The following MCOLN2 variants were observed in gnomAD, a reference collection of about 807,000 sequenced individuals.
MCOLN2 encodes mucolipin-2.
In MCOLN2, 57 loss-of-function variants were observed where a neutral mutation model predicts 67.5. The ratio of observed to expected loss-of-function variants is 0.84; its 90% CI spans 0.68 to 1.05. MCOLN2 has a LOEUF of 1.05. Among genes scored for constraint, MCOLN2 ranks in the 50% least tolerant of loss-of-function variants. The pLI is 0.00. For missense variants in MCOLN2, 620 were observed against 678.8 expected (o/e 0.91, Z 0.96); for synonymous variants, 246 against 233.3 (o/e 1.05, Z -0.50).
intron 6 of MCOLN2, 52 bp downstream of exon 6, chr1:84,952,191 A>G: frequency 1.5e-6 from 2 of 1,305,724 alleles, no homozygotes; most frequent in African/African-American, 1.5e-5. Flanking sequence ...GCATCAACAA[A>G]AAGTGTAGGA....
intron 12 of MCOLN2, 151 bp from the exon 13 acceptor site, chr1:84,929,830 T>TGGTGTTCTG (rs1041919104): frequency 1.6e-6 from 1 of 635,982 alleles, no homozygotes; most frequent in Admixed American, 3.2e-5. Context: ...TGAATCAATC[T>TGGTGTTCTG]GTCAGTCCCA....
intron 6 of MCOLN2, among the ~76,000 whole-genome samples, chr1:84,948,546 T>C (rs534765068): frequency 1.3e-5 from 2 of 152,204 alleles, no homozygotes; most frequent in African/African-American, 2.4e-5. Flanking sequence ...CAAGAAAACA[T>C]GGCACCCAAA....
intron 2 of MCOLN2, among the ~76,000 whole-genome samples, chr1:84,962,293 C>T (rs1014730930): frequency 6.6e-5 from 10 of 152,164 alleles, no homozygotes; most frequent in African/African-American, 2.4e-4. Context: ...TGCCTGTAAT[C>T]CCAGCCCTTT....
intron 1 of MCOLN2, among the ~76,000 whole-genome samples, chr1:84,996,536 T>C (rs1285649129): frequency 1.3e-5 from 2 of 151,590 alleles, no homozygotes; most frequent in Admixed American, 1.3e-4. Context: ...AGGGGCCCGC[T>C]GGCAGCGCCA....
rs1028834695 is a variant in MCOLN2 at position 84,932,898 on chromosome 1, C to T, written c.1336-1330G>A. Among the ~76,000 whole-genome samples the T allele has an allele frequency of 2.8e-4, 42 of 152,168 alleles. 1 individual carries two copies. The highest frequency in any genetic ancestry group is 1.2e-3 in the Admixed American group (18 of 15,280). On this transcript the variant is annotated intron_variant, in intron 11 of 13. Transcript: ENST00000370608. ...ACCTGTACTTTAAGAAGAAGGCTTT[C>T]AGGTCATTTCTCCCTTGTGAGATTA...
At chr1:84,955,748 T>G (rs1425601509) in intron 4 of MCOLN2, among the ~76,000 whole-genome samples, 1 of 152,030 alleles carries the variant, frequency 6.6e-6, no homozygotes, top group Non-Finnish European at 1.5e-5. Context: ...ATGGGGAAAT[T>G]GGCAACTTCA....
At chr1:84,990,641 G>C (rs149932845) in intron 1 of MCOLN2, among the ~76,000 whole-genome samples, 1,586 of 152,178 alleles carry the variant, frequency 0.01, 37 homozygotes, top group African/African-American at 0.036. Context: ...GCATAAGCTG[G>C]GCATGGTGGC....
Position 84,961,548 on chromosome 1 carries a change from A to G in MCOLN2, c.238-2846T>C, listed in dbSNP as rs142152272. On this transcript the variant is annotated intron_variant, in intron 2 of 13. Coordinates refer to ENST00000370608, the MANE Select transcript of MCOLN2 (RefSeq NM_153259.4). Reference sequence around the variant, plus strand: ...TATTCATAGAACAAGCCAAGATAAAAATGTATGGCCCAGCATTGGGGAAGG... The same window carrying G: ...TATTCATAGAACAAGCCAAGATAAAGATGTATGGCCCAGCATTGGGGAAGG... 1.2e-3 allele frequency among the ~76,000 whole-genome samples: 176 copies of G among 152,242 alleles called. 1 individual carries two copies. The highest frequency in any genetic ancestry group is 4.1e-3 in the African/African-American group (171 of 41,528).
At chr1:84,956,164 CA>C (rs1395203110) in intron 4 of MCOLN2, among the ~76,000 whole-genome samples, 1 of 138,564 alleles carries the variant, frequency 7.2e-6, no homozygotes, top group Non-Finnish European at 1.6e-5. Context: ...GAAAAAAAAA[CA>C]AAAAACAGGA....
At chr1:84,978,414 AAAAT>A (rs140646633) in intron 1 of MCOLN2, among the ~76,000 whole-genome samples, 74,078 of 151,342 alleles carry the variant, frequency 0.49, 18,292 homozygotes, top group East Asian at 0.64. Flanking sequence ...TGAAATAAAG[AAAAT>A]AATACAAAAG....
At position 84,938,056 on chromosome 1, in the gene MCOLN2, G is replaced by T; in HGVS notation, c.1137C>A (p.Ser379Arg). 6.2e-7 allele frequency: 1 copy of T among 1,613,140 alleles called. No homozygotes were observed. The highest frequency in any genetic ancestry group is 1.3e-5 in the African/African-American group (1 of 74,952). ...AGAGCGTAGAGGTTCCAAGAAAAAT[G>T]CTGCAGAGATCATAGTTTGTGAGAT... ...AKNLTNYDLCSIFLGTSTLLV... is the reference protein window; with the variant it reads ...AKNLTNYDLCRIFLGTSTLLV... The change falls in exon 10 of 14, where the codon AGC (serine) becomes AGA (arginine). Residue 379 changes from serine (S) to arginine (R), a missense_variant. Coordinates refer to ENST00000370608, the MANE Select transcript of MCOLN2 (RefSeq NM_153259.4).
At chr1:84,950,696 G>A (rs1306312040) in intron 6 of MCOLN2, among the ~76,000 whole-genome samples, 1 of 152,176 alleles carries the variant, frequency 6.6e-6, no homozygotes, top group Non-Finnish European at 1.5e-5. Context: ...AGAGCTTGGA[G>A]AGCCGGATAT....
intron 1 of MCOLN2, among the ~76,000 whole-genome samples, chr1:84,987,896 T>C (rs905711344): frequency 8.6e-5 from 13 of 151,818 alleles, no homozygotes; most frequent in African/African-American, 2.7e-4. Context: ...AATGATACAA[T>C]GGACTTTGGC....
At chr1:84,953,475 G>A (rs1483931516) in intron 4 of MCOLN2, among the ~76,000 whole-genome samples, 1 of 151,590 alleles carries the variant, frequency 6.6e-6, no homozygotes, top group Non-Finnish European at 1.5e-5. Flanking sequence ...GCTTGAACCC[G>A]GGAGGCAGAG....
intron 7 of MCOLN2, among the ~76,000 whole-genome samples, chr1:84,943,191 A>G (rs1278798110): frequency 6.6e-6 from 1 of 152,176 alleles, no homozygotes; most frequent in Non-Finnish European, 1.5e-5. Context: ...AGAGTGAAAG[A>G]GGGCACAGAA....
chr1:84,937,625 T>C, intron 11 of MCOLN2, 130 bp downstream of exon 11: 2 of 1,462,008 alleles, frequency 1.4e-6, no homozygotes, highest in Non-Finnish European at 1.8e-6. Flanking sequence ...AGAAAACTGA[T>C]ACAAAGATAT....
chr1:84,977,101 G>C (rs1011581753), intron 1 of MCOLN2, among the ~76,000 whole-genome samples: 2 of 151,202 alleles, frequency 1.3e-5, no homozygotes, highest in African/African-American at 2.4e-5. Flanking sequence ...TTGGGGAGAC[G>C]ATGTTAAGGC....
At chr1:84,960,286 C>T (rs891207610) in intron 2 of MCOLN2, among the ~76,000 whole-genome samples, 3 of 152,152 alleles carry the variant, frequency 2.0e-5, no homozygotes, top group South Asian at 2.1e-4. Flanking sequence ...ATTTTACATA[C>T]GTGCAACCTG....
chr1:84,959,498 TTA>T (rs1188112458), intron 2 of MCOLN2, among the ~76,000 whole-genome samples: 1 of 151,944 alleles, frequency 6.6e-6, no homozygotes, highest in African/African-American at 2.4e-5. Context: ...CACCAAAAGT[TTA>T]CACAAAACCT....
Sources: allele counts gnomAD v4.1 joint callset (sites outside exome capture counted in the v4.1 genomes callset), GRCh38; gene constraint gnomAD v4.1.1; transcripts MANE v1.5; gene names NCBI Gene and HGNC (gene_info 2026-07-23, HGNC 2026-07-21).